PTGER3: variants seen among roughly 807,000 people sequenced by gnomAD.
The protein encoded by PTGER3 is prostaglandin E receptor 3, also known as prostaglandin E2 receptor EP3 subtype.
A neutral mutation model predicts 34.7 loss-of-function variants in PTGER3; 22 were observed. The observed-to-expected ratio is 0.63, with a 90% CI of 0.45 to 0.91. PTGER3 has a LOEUF of 0.91. PTGER3 is among the 40% of genes least tolerant of loss of function. The pLI is 0.00. For missense variants in PTGER3, 468 were observed against 519.4 expected (o/e 0.90, Z 0.96); for synonymous variants, 241 against 230.1 (o/e 1.05, Z -0.43).
chr1:70,928,163 TTTTATAGACATATATA>T lies in PTGER3; in HGVS notation c.*23+25584_*23+25599del, dbSNP rs1168810649. Among the ~76,000 whole-genome samples the T allele has an allele frequency of 1.0e-4, 15 of 145,338 alleles. No individual in the cohort carries two copies. In the East Asian group the frequency reaches 3.0e-3, roughly 29 times the overall value. On this transcript the variant is annotated intron_variant, in intron 4 of 4. Transcript: ENST00000370931. ...TATATATATTTATAGACATATATATTTTTATAGACATATATATTTATAGACATATATTTATATATAT... is the reference window on the plus strand; with the variant it reads ...TATATATATTTATAGACATATATATTTTTATAGACATATATTTATATATAT...
intron 4 of PTGER3, among the ~76,000 whole-genome samples, chr1:70,898,238 T>G (rs954081342): frequency 1.3e-5 from 2 of 152,186 alleles, no homozygotes; most frequent in African/African-American, 4.8e-5. Context: ...CTACTGAGTA[T>G]GAACTTGAGC....
At chr1:70,928,505 TGCTTATAGTCACA>T (rs1332363080) in intron 4 of PTGER3, among the ~76,000 whole-genome samples, 2 of 151,316 alleles carry the variant, frequency 1.3e-5, no homozygotes, top group Non-Finnish European at 2.9e-5. Flanking sequence ...TGGTGGCATG[TGCTTATAGTCACA>T]GCTACTCAGG....
At chr1:71,012,026 T>C in intron 2 of PTGER3, 1 of 1,411,528 alleles carries the variant, frequency 7.1e-7, no homozygotes, top group Non-Finnish European at 9.2e-7. Flanking sequence ...ATTAATATAT[T>C]TTCCTTTGTT....
At position 71,046,766 on chromosome 1, in the gene PTGER3, G is replaced by A; in HGVS notation, c.812C>T (p.Ala271Val). Residue 271 changes from alanine (A) to valine (V), a missense_variant, in exon 1 of 4, where the codon GCC (alanine) becomes GTC (valine). This residue lies in a region of PTGER3 where 204 missense variants were observed against 230.8 expected (regional missense o/e 0.88). Coordinates refer to ENST00000306666, the MANE Select transcript of PTGER3 (RefSeq NM_198719.2). ...RAKATASQSS[A>V]QWGRITTETA... Reference sequence around the variant, plus strand: ...CTCGGTCGTGATGCGGCCCCACTGGGCACTGGACTGAGATGCCGTGGCCTT... The same window carrying A: ...CTCGGTCGTGATGCGGCCCCACTGGACACTGGACTGAGATGCCGTGGCCTT... 1 of 1,613,892 alleles carries A rather than the reference G, an allele frequency of 6.2e-7. No homozygotes were observed. Among genetic ancestry groups the A allele is most frequent in the Non-Finnish European group, 8.5e-7 (1 of 1,180,000 alleles).
intron 1 of PTGER3, among the ~76,000 whole-genome samples, chr1:71,022,809 C>A (rs1018799731): frequency 6.6e-6 from 1 of 151,708 alleles, no homozygotes; most frequent in Admixed American, 6.6e-5. Flanking sequence ...CCACCAACTT[C>A]AGCATCTGCA....
chr1:70,896,793 G>T (rs533967517), intron 4 of PTGER3, among the ~76,000 whole-genome samples: 1 of 152,296 alleles, frequency 6.6e-6, no homozygotes, highest in South Asian at 2.1e-4. Context: ...CTAGGCGTTA[G>T]TGTTCCTCCA....
chr1:70,903,746 A>C (rs572117058), intron 4 of PTGER3, among the ~76,000 whole-genome samples: 4 of 152,268 alleles, frequency 2.6e-5, no homozygotes, highest in African/African-American at 9.6e-5. Flanking sequence ...AGGGAACCAA[A>C]AGGGATCACA....
At chr1:70,863,650 A>G (rs1645977199) in intron 4 of PTGER3, among the ~76,000 whole-genome samples, 1 of 152,190 alleles carries the variant, frequency 6.6e-6, no homozygotes, top group African/African-American at 2.4e-5. Flanking sequence ...GTAATAGACT[A>G]GAATAGAAAA....
chr1:70,862,152 T>C (rs1011480660), intron 4 of PTGER3, among the ~76,000 whole-genome samples: 1 of 152,032 alleles, frequency 6.6e-6, no homozygotes, highest in African/African-American at 2.4e-5. Flanking sequence ...ACCTGAAATA[T>C]TGGAATTTCA....
At chr1:71,032,824 T>C (rs1659521046) in intron 1 of PTGER3, among the ~76,000 whole-genome samples, 1 of 152,188 alleles carries the variant, frequency 6.6e-6, no homozygotes, top group Non-Finnish European at 1.5e-5. Context: ...GGAGTATTAA[T>C]TTGAGAACTG....
chr1:70,881,428 A>T (rs1576055), intron 4 of PTGER3, among the ~76,000 whole-genome samples: 136,757 of 152,262 alleles, frequency 0.9, 61,492 homozygotes, highest in East Asian at 1. Context: ...CATTGCAGCC[A>T]GGTTAACAAC....
intron 2 of PTGER3, among the ~76,000 whole-genome samples, chr1:70,990,168 A>G (rs1655304358): frequency 6.6e-6 from 1 of 151,700 alleles, no homozygotes; most frequent in South Asian, 2.1e-4. Flanking sequence ...CCTGGCTAAC[A>G]CGGTGAAACC....
At chr1:71,006,844 G>A (rs2100835523) in intron 2 of PTGER3, 1 of 985,350 alleles carries the variant, frequency 1.0e-6, no homozygotes, top group South Asian at 4.7e-5. Flanking sequence ...ACATCAGGAA[G>A]AAAACACAGC....
chr1:71,024,645 CTTT>C (rs35271200), intron 1 of PTGER3, among the ~76,000 whole-genome samples: 2 of 117,162 alleles, frequency 1.7e-5, no homozygotes, highest in Non-Finnish European at 3.4e-5. Flanking sequence ...CCTTTTCTTT[CTTT>C]TTTTTTTTTT....
At chr1:70,906,065 G>T (rs1344240787) in intron 4 of PTGER3, among the ~76,000 whole-genome samples, 1 of 152,014 alleles carries the variant, frequency 6.6e-6, no homozygotes, top group Non-Finnish European at 1.5e-5. Context: ...CCCTGTACAA[G>T]CTCTCTCTTT....
intron 4 of PTGER3, among the ~76,000 whole-genome samples, chr1:70,865,099 A>G (rs568183069): frequency 8.0e-4 from 121 of 152,024 alleles, no homozygotes; most frequent in African/African-American, 2.8e-3. Context: ...ATGAAAAAAA[A>G]TGATATTTTG....
intron 1 of PTGER3, among the ~76,000 whole-genome samples, chr1:71,044,065 C>T (rs1660539629): frequency 6.6e-6 from 1 of 151,542 alleles, no homozygotes; most frequent in Non-Finnish European, 1.5e-5. Context: ...ATCCACTCAC[C>T]TCGGCCTCCC....
chr1:70,924,750 C>T (rs1647883418), intron 4 of PTGER3, among the ~76,000 whole-genome samples: 1 of 152,160 alleles, frequency 6.6e-6, no homozygotes, highest in Non-Finnish European at 1.5e-5. Context: ...TAAATGGCTG[C>T]TCTGTCTATG....
At chr1:70,915,201 C>T (rs1371038025) in intron 4 of PTGER3, among the ~76,000 whole-genome samples, 1 of 151,874 alleles carries the variant, frequency 6.6e-6, no homozygotes, top group East Asian at 1.9e-4. Context: ...GAGCTTCAAA[C>T]TTAGATTTTT....
Sources: gnomAD v4.1 joint callset for allele counts (sites outside exome capture counted in the v4.1 genomes callset) on GRCh38, gnomAD v4.1.1 for gene constraint, gnomAD v4.1.1 regional missense constraint, MANE v1.5 for transcripts, NCBI Gene and HGNC (gene_info 2026-07-23, HGNC 2026-07-21) for gene names.